LAMA1: variants seen among roughly 807,000 people sequenced by gnomAD.
The protein encoded by LAMA1 is laminin subunit alpha 1.
In LAMA1, 219 loss-of-function variants were observed where a neutral mutation model predicts 348.7. That is an observed-to-expected ratio of 0.63 (90% CI 0.56 to 0.70). LAMA1 has a LOEUF of 0.70. Ranked by LOEUF, LAMA1 falls within the 30% of genes least tolerant of loss-of-function variation. The probability of loss-of-function intolerance (pLI) is 0.00; values close to 1 mark genes in which losing one functional copy is unlikely to be tolerated. For synonymous variants in LAMA1, 1,487 were observed against 1,491.0 expected (o/e 1.00, Z 0.06); for missense variants, 3,744 against 3,888.0 (o/e 0.96, Z 0.99).
At chr18:6,942,678 T>A (rs1274443324) in intron 62 of LAMA1, among the ~76,000 whole-genome samples, 1 of 152,186 alleles carries the variant, frequency 6.6e-6, no homozygotes, top group African/African-American at 2.4e-5. Context: ...CCTCCCAAAG[T>A]GCCGGGATTA....
chr18:6,956,014 G>C (rs544829049), intron 56 of LAMA1: 1 of 299,254 alleles, frequency 3.3e-6, no homozygotes, highest in Non-Finnish European at 6.4e-6. Flanking sequence ...GAGTGCCCAA[G>C]TCATGGGGGT....
intron 44 of LAMA1, 97 bp from the exon 45 acceptor site, chr18:6,976,177 G>C (rs965815746): frequency 1.6e-6 from 2 of 1,242,730 alleles, no homozygotes; most frequent in Non-Finnish European, 2.4e-6. Flanking sequence ...AATTTTCACT[G>C]AGGCAGGTTT....
In LAMA1 at chr18:7,010,315, T is replaced by G; in HGVS notation, c.3758A>C (p.Asn1253Thr). The part of the protein sequence containing the change: ...FYSLDGVGTS[N>T]FEPQVLIKGG... ...TTTGATGAGAACTTGAGGCTCAAAA[T>G]TGGAGGTGCCGACGCCATCCAAAGA... The change falls in exon 26 of 63, where the codon AAT (asparagine) becomes ACT (threonine). Residue 1253 changes from asparagine to threonine, a missense_variant. By Grantham distance (65) the Asn-to-Thr change is moderately conservative (BLOSUM62 0). This residue lies in a region of LAMA1 where 1,529 missense variants were observed against 1,689.4 expected (regional missense o/e 0.91). Coordinates refer to ENST00000389658, the MANE Select transcript of LAMA1 (RefSeq NM_005559.4). 4 of 1,614,156 alleles carry G rather than the reference T, an allele frequency of 2.5e-6. No homozygotes were observed. The highest frequency in any genetic ancestry group is 3.4e-6 in the Non-Finnish European group (4 of 1,180,046).
intron 1 of LAMA1, among the ~76,000 whole-genome samples, chr18:7,085,567 C>A (rs752750223): frequency 4.0e-5 from 6 of 151,842 alleles, no homozygotes; most frequent in East Asian, 1.9e-4. Flanking sequence ...TATAGGCACC[C>A]GCCACCAAGC....
intron 33 of LAMA1, among the ~76,000 whole-genome samples, chr18:6,995,996 A>G (rs1346651868): frequency 6.6e-6 from 1 of 152,202 alleles, no homozygotes; most frequent in Non-Finnish European, 1.5e-5. Flanking sequence ...AGAGCAAATC[A>G]TTCAAAATGA....
intron 57 of LAMA1, 99 bp from the exon 58 acceptor site, chr18:6,951,070 G>A: frequency 1.9e-6 from 2 of 1,034,276 alleles, no homozygotes; most frequent in South Asian, 2.7e-5. Context: ...CGTTTACATT[G>A]AACATCTCAG....
intron 45 of LAMA1, 104 bp downstream of exon 45, chr18:6,975,833 A>G: frequency 7.2e-7 from 1 of 1,389,862 alleles, no homozygotes. Flanking sequence ...AGATTTAGAG[A>G]TTTCACTAAG....
At chr18:7,005,381 C>T (rs2057827538) in intron 29 of LAMA1, among the ~76,000 whole-genome samples, 1 of 152,216 alleles carries the variant, frequency 6.6e-6, no homozygotes, top group Non-Finnish European at 1.5e-5. Context: ...TGGGAGTGAG[C>T]TCCCCATTGT....
chr18:7,046,433 A>G (rs535098244), intron 5 of LAMA1, 66 bp from the exon 6 acceptor site: 19 of 900,074 alleles, frequency 2.1e-5, no homozygotes, highest in Non-Finnish European at 3.3e-5. Context: ...AAATGTTGGC[A>G]CACCAACAAA....
rs763493907 is a variant in LAMA1, at chr18:7,046,327, C to T, written c.809G>A (p.Cys270Tyr). The T allele has an allele frequency of 1.2e-6, 2 of 1,611,344 alleles. No individual in the cohort carries two copies. The highest frequency in any genetic ancestry group is 1.7e-6 in the Non-Finnish European group (2 of 1,178,148). Residue 270 changes from cysteine to tyrosine, a missense_variant, in exon 6 of 63, where the codon TGT becomes TAT. Coordinates refer to ENST00000389658, the MANE Select transcript of LAMA1 (RefSeq NM_005559.4). ...SIKDISVGGM[C>Y]ICYGHASSCP... ...GCTACTAGCATGGCCATAGCAGATA[C>T]ACATGCCTCCAACAGAAATGTCCTT...
chr18:7,032,913 A>C, intron 15 of LAMA1, 71 bp downstream of exon 15: 2 of 1,128,672 alleles, frequency 1.8e-6, no homozygotes, highest in Admixed American at 2.0e-5. Flanking sequence ...TTGCCATGAC[A>C]TCCCCTTCAG....
intron 3 of LAMA1, among the ~76,000 whole-genome samples, chr18:7,074,230 T>C (rs1233634732): frequency 6.6e-6 from 1 of 152,178 alleles, no homozygotes; most frequent in East Asian, 1.9e-4. Flanking sequence ...CAACACTTAT[T>C]ATTTTCCAAC....
chr18:7,076,661 T>A (rs2058169506), intron 3 of LAMA1, among the ~76,000 whole-genome samples: 2 of 144,148 alleles, frequency 1.4e-5, no homozygotes, highest in Non-Finnish European at 1.5e-5. Context: ...TGGATCCTGG[T>A]TAAAAAAAAA....
chr18:6,963,556 G>T lies in LAMA1; in HGVS notation c.7337+1106C>A, dbSNP rs148311130. Among the ~76,000 whole-genome samples, 117 of 152,290 alleles carry T rather than the reference G, an allele frequency of 7.7e-4. 1 individual carries two copies. In the East Asian group the frequency reaches 0.019, roughly 24 times the overall value. On this transcript the variant is annotated intron_variant, in intron 51 of 62. Transcript: ENST00000389658. Reference sequence around the variant, plus strand: ...GGAGAAGTGGCTCTCTCTACAAAAGGCTGCTCATCATAGCAACTGAATGGC... The same window carrying T: ...GGAGAAGTGGCTCTCTCTACAAAAGTCTGCTCATCATAGCAACTGAATGGC...
intron 1 of LAMA1, among the ~76,000 whole-genome samples, chr18:7,099,175 C>G (rs1414953626): frequency 6.6e-6 from 1 of 151,172 alleles, no homozygotes; most frequent in Admixed American, 6.6e-5. Context: ...TACCCCCAAC[C>G]CTGTGCTCTC....
In LAMA1 at chr18:7,023,247, C is replaced by T. The variant is rs2057926374; in HGVS notation, c.2618G>A (p.Cys873Tyr). The T allele has an allele frequency of 6.2e-7, 1 of 1,614,072 alleles. No homozygotes were observed. Among genetic ancestry groups the T allele is most frequent in the African/African-American group, 1.3e-5 (1 of 75,058 alleles). Reference protein sequence around the residue: ...CDSVTGECLKCLGNTDGAHCE... With the variant: ...CDSVTGECLKYLGNTDGAHCE... ...GTGGGCGCCATCTGTGTTCCCCAGG[C>T]ACTTCAGGCACTCCCCGGTGACTGA... The change falls in exon 19 of 63, where the codon TGC (cysteine) becomes TAC (tyrosine). Residue 873 changes from cysteine to tyrosine, a missense_variant. Around this residue, in one of 3 missense-constraint regions of LAMA1, gnomAD observed 1,529 missense variants for 1,689.4 expected, o/e 0.91. Transcript: ENST00000389658.
chr18:6,948,993 G>C (rs1600340114), intron 59 of LAMA1, 108 bp downstream of exon 59: 2 of 1,409,750 alleles, frequency 1.4e-6, no homozygotes, highest in Non-Finnish European at 2.0e-6. Context: ...ACAAGCCCCA[G>C]GTTCAAACAA....
At chr18:6,950,677 G>A in intron 58 of LAMA1, 105 bp downstream of exon 58, 1 of 1,295,234 alleles carries the variant, frequency 7.7e-7, no homozygotes, top group African/African-American at 1.5e-5. Flanking sequence ...CACACGGCGA[G>A]ATAGAGATTA....
intron 3 of LAMA1, among the ~76,000 whole-genome samples, chr18:7,054,724 G>A (rs1452461405): frequency 6.6e-6 from 1 of 152,072 alleles, no homozygotes; most frequent in Non-Finnish European, 1.5e-5. Context: ...TGCCACCCCT[G>A]AGACAGCAAA....
Sources: allele counts gnomAD v4.1 joint callset (sites outside exome capture counted in the v4.1 genomes callset), GRCh38; gene constraint gnomAD v4.1.1; regional missense constraint gnomAD v4.1.1; transcripts MANE v1.5; gene names NCBI Gene and HGNC (gene_info 2026-07-23, HGNC 2026-07-21).